Variants in RAP1GDS1 observed in about 807,000 individuals in gnomAD.
RAP1GDS1 encodes RAP1, GTP-GDP dissociation stimulator 1.
In RAP1GDS1, 35 loss-of-function variants were observed where a neutral mutation model predicts 71.1. That is an observed-to-expected ratio of 0.49 (90% CI 0.38 to 0.65). The LOEUF (loss-of-function observed/expected upper bound fraction) is 0.65. RAP1GDS1 is among the 30% of genes least tolerant of loss of function. The pLI is 0.00. For synonymous variants in RAP1GDS1, 229 were observed against 243.1 expected (o/e 0.94, Z 0.54); for missense variants, 663 against 706.1 (o/e 0.94, Z 0.69).
intron 1 of RAP1GDS1, among the ~76,000 whole-genome samples, chr4:98,292,658 A>C (rs1460087221): frequency 6.6e-6 from 1 of 152,170 alleles, no homozygotes; most frequent in Non-Finnish European, 1.5e-5. Context: ...GTTAATGTGC[A>C]GTAGGTTTAT....
Position 98,308,331 on chromosome 4 carries a change from A to ATATATATATATC in RAP1GDS1, c.112+14817_112+14818insATATATATATCT, listed in dbSNP as rs1387647887. On this transcript the variant is annotated intron_variant, in intron 2 of 14. Transcript: ENST00000408927. ...TATATATATATATATATATATATAT[A>ATATATATATATC]TGCGCCAGGCATGGTGGTGTGTCTC... Among the ~76,000 whole-genome samples the ATATATATATATC allele has an allele frequency of 1.5e-4, 20 of 137,424 alleles. No homozygotes were observed. The East Asian group carries it at 3.6e-3, about 25-fold the overall frequency. The allele number at this position is 137,424 out of a possible 152,430, so 90.2% of individuals were successfully genotyped here.
Position 98,331,161 on chromosome 4 carries a change from C to T in RAP1GDS1, c.113-11978C>T, listed in dbSNP as rs557654752. Among the ~76,000 whole-genome samples the T allele has an allele frequency of 3.5e-4, 54 of 152,200 alleles. 1 individual carries two copies. The highest frequency in any genetic ancestry group is 1.1e-3 in the African/African-American group (44 of 41,536). On this transcript the variant is annotated intron_variant, in intron 2 of 14. Coordinates refer to ENST00000408927, the MANE Select transcript of RAP1GDS1 (RefSeq NM_001100427.2). ...AAATACAAAAACCAGTCAGGCGTGGCGGCATGTGCCTGCAATCCCAGGCAC... is the reference window on the plus strand; with the variant it reads ...AAATACAAAAACCAGTCAGGCGTGGTGGCATGTGCCTGCAATCCCAGGCAC...
chr4:98,320,036 T>C (rs1486465168), intron 2 of RAP1GDS1, among the ~76,000 whole-genome samples: 2 of 152,120 alleles, frequency 1.3e-5, no homozygotes, highest in African/African-American at 4.8e-5. Context: ...AATAGTAAAA[T>C]ATTTTGTCTT....
chr4:98,412,346 C>T (rs547491724), intron 7 of RAP1GDS1, among the ~76,000 whole-genome samples: 1 of 152,182 alleles, frequency 6.6e-6, no homozygotes, highest in Admixed American at 6.5e-5. Flanking sequence ...GACCCTGTCT[C>T]TACAAAAAAA....
chr4:98,304,605 A>G (rs1729054426), intron 2 of RAP1GDS1, among the ~76,000 whole-genome samples: 1 of 152,106 alleles, frequency 6.6e-6, no homozygotes, highest in South Asian at 2.1e-4. Flanking sequence ...CCTTTGTCAG[A>G]TGGATAGATT....
intron 2 of RAP1GDS1, among the ~76,000 whole-genome samples, chr4:98,323,931 G>A (rs1391114248): frequency 6.5e-5 from 9 of 138,310 alleles, no homozygotes; most frequent in Non-Finnish European, 1.4e-4. Context: ...AGGGCAATCA[G>A]GCAGGAGAAG....
In RAP1GDS1 at chr4:98,421,329, C is replaced by G; in HGVS notation, c.1375C>G (p.His459Asp). ...GGTGGAATGGTGTGAAGCCAAAGAT[C>G]ATGCTGGTGTGATGGGGGAGTCAAA... ...RLVEWCEAKDHAGVMGESNRL... is the reference protein window; with the variant it reads ...RLVEWCEAKDDAGVMGESNRL... The change falls in exon 12 of 15, where the codon CAT (histidine) becomes GAT (aspartate). Residue 459 changes from histidine (H) to aspartate (D), a missense_variant. Transcript: ENST00000408927. The G allele has an allele frequency of 1.2e-6, 2 of 1,611,740 alleles. No homozygotes were observed. Among genetic ancestry groups the G allele is most frequent in the Non-Finnish European group, 1.7e-6 (2 of 1,178,632 alleles).
At chr4:98,281,123 G>A (rs1248112081) in intron 1 of RAP1GDS1, among the ~76,000 whole-genome samples, 2 of 152,106 alleles carry the variant, frequency 1.3e-5, no homozygotes, top group Non-Finnish European at 2.9e-5. Flanking sequence ...GAACTTGAAA[G>A]TAGTTTTTTC....
At chr4:98,395,239 T>C (rs550641072) in intron 6 of RAP1GDS1, among the ~76,000 whole-genome samples, 14 of 152,188 alleles carry the variant, frequency 9.2e-5, no homozygotes, top group Admixed American at 3.9e-4. Context: ...ATATATATAA[T>C]AGGCATAGCT....
chr4:98,395,046 A>G (rs1216446150), intron 6 of RAP1GDS1, among the ~76,000 whole-genome samples: 1 of 152,168 alleles, frequency 6.6e-6, no homozygotes, highest in African/African-American at 2.4e-5. Context: ...CTTTTGAAAA[A>G]TACAGCATTA....
At chr4:98,369,147 A>G (rs1211762328) in intron 4 of RAP1GDS1, among the ~76,000 whole-genome samples, 1 of 152,184 alleles carries the variant, frequency 6.6e-6, no homozygotes, top group Non-Finnish European at 1.5e-5. Flanking sequence ...CAAGAACAGC[A>G]TAGGAAAAAC....
In RAP1GDS1 at chr4:98,390,632, A is replaced by C. The variant is rs76740222; in HGVS notation, c.509-1320A>C. 7.3e-3 allele frequency among the ~76,000 whole-genome samples: 1,118 copies of C among 152,256 alleles called. 19 individuals carry two copies. Among genetic ancestry groups the C allele is most frequent in the African/African-American group, 0.026 (1,077 of 41,556 alleles). On this transcript the variant is annotated intron_variant, in intron 5 of 14. Coordinates refer to ENST00000408927, the MANE Select transcript of RAP1GDS1 (RefSeq NM_001100427.2). ...CACTCTAAAAGCAGGAAGAATTAACAACAAAGACCACCAGGCAATAATGAA... is the reference window on the plus strand; with the variant it reads ...CACTCTAAAAGCAGGAAGAATTAACCACAAAGACCACCAGGCAATAATGAA...
In RAP1GDS1 at chr4:98,316,551, A is replaced by C. The variant is rs144391950; in HGVS notation, c.112+23036A>C. On this transcript the variant is annotated intron_variant, in intron 2 of 14. Transcript: ENST00000408927. ...TGGCAGGAGTTGAAGGGGAGAGGCA[A>C]ACTGGGAGTAAGCTCCAGTGTACTG... 3.6e-3 allele frequency among the ~76,000 whole-genome samples: 550 copies of C among 152,182 alleles called. 2 individuals carry two copies. The highest frequency in any genetic ancestry group is 0.014 in the Middle Eastern group (4 of 294).
intron 4 of RAP1GDS1, among the ~76,000 whole-genome samples, chr4:98,365,332 G>A (rs1056340221): frequency 1.3e-5 from 2 of 151,984 alleles, no homozygotes; most frequent in African/African-American, 4.8e-5. Flanking sequence ...AATTAAAATT[G>A]AGCCAGGCAT....
chr4:98,379,034 G>A lies in RAP1GDS1; in HGVS notation c.379G>A (p.Val127Ile), dbSNP rs752614955. ...TTTTACAGATGAGGGCAGAAGTGCA[G>A]TTGACCAAGCAGGTGGTGCACAGAT... ...CYDSHEGRSA[V>I]DQAGGAQIVI... The change falls in exon 5 of 15, where the codon GTT (valine) becomes ATT (isoleucine). Residue 127 changes from valine (V) to isoleucine (I), a missense_variant. Coordinates refer to ENST00000408927, the MANE Select transcript of RAP1GDS1 (RefSeq NM_001100427.2). The A allele has an allele frequency of 1.2e-6, 2 of 1,601,300 alleles. No homozygotes were observed. The highest frequency in any genetic ancestry group is 2.3e-5 in the East Asian group (1 of 44,412).
chr4:98,413,199 A>C (rs1431911332), intron 7 of RAP1GDS1, among the ~76,000 whole-genome samples: 3 of 149,820 alleles, frequency 2.0e-5, no homozygotes, highest in Admixed American at 6.6e-5. Context: ...CAGGAATGCA[A>C]TTCCTTCCCC....
chr4:98,301,033 T>C (rs557208558), intron 2 of RAP1GDS1, among the ~76,000 whole-genome samples: 6 of 149,218 alleles, frequency 4.0e-5, no homozygotes, highest in African/African-American at 1.5e-4. Context: ...TTGCAATCTC[T>C]GAACATACTC....
At chr4:98,404,040 C>T (rs1022400412) in intron 6 of RAP1GDS1, among the ~76,000 whole-genome samples, 4 of 152,052 alleles carry the variant, frequency 2.6e-5, no homozygotes, top group African/African-American at 9.7e-5. Flanking sequence ...TGCTGAGAGG[C>T]AGGAATGAAT....
At chr4:98,439,216 TTTTC>T (rs1288980856) in intron 14 of RAP1GDS1, among the ~76,000 whole-genome samples, 4 of 152,228 alleles carry the variant, frequency 2.6e-5, no homozygotes, top group Non-Finnish European at 4.4e-5. Context: ...TTCACAGTTC[TTTTC>T]TTTCTTTACT....
Sources: gnomAD v4.1 joint callset for allele counts (sites outside exome capture counted in the v4.1 genomes callset) on GRCh38, gnomAD v4.1.1 for gene constraint, MANE v1.5 for transcripts, NCBI Gene and HGNC (gene_info 2026-07-23, HGNC 2026-07-21) for gene names.